Variants in RANBP9 observed in about 807,000 individuals in gnomAD.
The protein encoded by RANBP9 is RAN binding protein 9.
RANBP9 carries 15 observed loss-of-function variants against 84.3 expected under a neutral mutation model. That is an observed-to-expected ratio of 0.18 (90% CI 0.12 to 0.27). RANBP9 has a LOEUF of 0.27. Ranked by LOEUF, RANBP9 falls within the 10% of genes least tolerant of loss-of-function variation. The pLI is 1.00. For missense variants in RANBP9, 809 were observed against 912.8 expected (o/e 0.89, Z 1.46); for synonymous variants, 392 against 349.6 (o/e 1.12, Z -1.35).
chr6:13,694,230 T>G (rs749093064), intron 2 of RANBP9, among the ~76,000 whole-genome samples: 18 of 152,224 alleles, frequency 1.2e-4, no homozygotes, highest in Non-Finnish European at 1.6e-4. Context: ...TATACATGTT[T>G]ACAGTTCCAG....
At chr6:13,645,930 T>G (rs1765167076) in intron 5 of RANBP9, among the ~76,000 whole-genome samples, 1 of 152,138 alleles carries the variant, frequency 6.6e-6, no homozygotes, top group Non-Finnish European at 1.5e-5. Flanking sequence ...AACAAAATAT[T>G]ACATCAAAAT....
At chr6:13,667,611 TG>T (rs1473996194) in intron 2 of RANBP9, among the ~76,000 whole-genome samples, 1 of 152,202 alleles carries the variant, frequency 6.6e-6, no homozygotes, top group Non-Finnish European at 1.5e-5. Flanking sequence ...ACATTTTTAC[TG>T]TATCTTTCCT....
chr6:13,644,677 G>C lies in RANBP9; in HGVS notation c.980C>G (p.Ala327Gly). ...CACGAAAGGATGTTGCCCAAAATTG[G>C]CATCGACCACTTCTCCTGGTGTTTG... ...GLQTPGEVVDANFGQHPFVFD... is the reference protein window; with the variant it reads ...GLQTPGEVVDGNFGQHPFVFD... The change falls in exon 6 of 14, where the codon GCC becomes GGC. Residue 327 changes from alanine (A) to glycine (G), a missense_variant. Ala to Gly is a moderately conservative substitution (Grantham distance 60). Transcript: ENST00000011619. 1 of 1,612,886 alleles carries C rather than the reference G, an allele frequency of 6.2e-7. No homozygotes were observed. Among genetic ancestry groups the C allele is most frequent in the Non-Finnish European group, 8.5e-7 (1 of 1,179,430 alleles).
intron 12 of RANBP9, among the ~76,000 whole-genome samples, chr6:13,627,544 C>CA (rs997195376): frequency 4.0e-5 from 6 of 148,334 alleles, no homozygotes; most frequent in Non-Finnish European, 8.9e-5. Flanking sequence ...GCAGGAGAAT[C>CA]ACTTGAACCC....
At chr6:13,627,729 C>T (rs1236466253) in intron 12 of RANBP9, among the ~76,000 whole-genome samples, 1 of 151,706 alleles carries the variant, frequency 6.6e-6, no homozygotes. Flanking sequence ...GGTACCATAC[C>T]CATAGTACAG....
At chr6:13,640,343 G>A (rs1000025021) in intron 8 of RANBP9, among the ~76,000 whole-genome samples, 8 of 151,846 alleles carry the variant, frequency 5.3e-5, no homozygotes, top group African/African-American at 1.9e-4. Context: ...AAATCAGGAT[G>A]GCTATTATTA....
At chr6:13,703,867 G>C (rs992136871) in intron 1 of RANBP9, among the ~76,000 whole-genome samples, 2 of 152,164 alleles carry the variant, frequency 1.3e-5, no homozygotes, top group Admixed American at 6.5e-5. Flanking sequence ...TGGTTTCCAT[G>C]AAGTCAGATC....
rs148041517 is a variant in RANBP9 at position 13,701,047 on chromosome 6, C to T, written c.572-4151G>A. On this transcript the variant is annotated intron_variant, in intron 1 of 13. Transcript: ENST00000011619. ...TTCTATCCCCTTTCTAAAGCCTTCA[C>T]GTCTATACTTCAACATCATGGGAAC... Among the ~76,000 whole-genome samples the T allele has an allele frequency of 3.0e-4, 46 of 152,308 alleles. No individual in the cohort carries two copies. In the East Asian group the frequency reaches 3.3e-3, roughly 11 times the overall value.
intron 2 of RANBP9, among the ~76,000 whole-genome samples, chr6:13,681,493 T>C (rs1766036656): frequency 1.3e-5 from 2 of 152,126 alleles, no homozygotes; most frequent in African/African-American, 2.4e-5. Context: ...AATTTCATTA[T>C]TGCTCACAAT....
chr6:13,680,627 G>A (rs113221919), intron 2 of RANBP9, among the ~76,000 whole-genome samples: 10 of 151,934 alleles, frequency 6.6e-5, no homozygotes, highest in East Asian at 1.9e-4. Flanking sequence ...ATAGTGGTGC[G>A]CACCTGTACT....
chr6:13,623,266 A>G (rs1479674072), intron 13 of RANBP9, among the ~76,000 whole-genome samples: 1 of 152,214 alleles, frequency 6.6e-6, no homozygotes, highest in South Asian at 2.1e-4. Context: ...GGCAATGTCC[A>G]AACTAATCAA....
chr6:13,669,173 G>C (rs1372055061), intron 2 of RANBP9, among the ~76,000 whole-genome samples: 1 of 151,682 alleles, frequency 6.6e-6, no homozygotes, highest in Non-Finnish European at 1.5e-5. Flanking sequence ...TATAACAAAA[G>C]AAGTGTGAAA....
intron 2 of RANBP9, among the ~76,000 whole-genome samples, chr6:13,688,478 G>A (rs943390356): frequency 6.6e-6 from 1 of 151,982 alleles, no homozygotes; most frequent in African/African-American, 2.4e-5. Context: ...GTCTACTACT[G>A]TGTATCTCAT....
chr6:13,645,641 T>C (rs1765162323), intron 5 of RANBP9, among the ~76,000 whole-genome samples: 1 of 152,196 alleles, frequency 6.6e-6, no homozygotes, highest in Non-Finnish European at 1.5e-5. Flanking sequence ...CTCATGGTCG[T>C]TCTGCTAACA....
intron 10 of RANBP9, among the ~76,000 whole-genome samples, chr6:13,636,168 T>C (rs1764932769): frequency 6.6e-6 from 1 of 152,102 alleles, no homozygotes; most frequent in African/African-American, 2.4e-5. Flanking sequence ...GTGGGCGGTA[T>C]CAGGGAAAAA....
chr6:13,685,595 A>G (rs1766153644), intron 2 of RANBP9, among the ~76,000 whole-genome samples: 1 of 151,984 alleles, frequency 6.6e-6, no homozygotes, highest in Non-Finnish European at 1.5e-5. Flanking sequence ...CAAAAATACT[A>G]AATAAATCAA....
chr6:13,676,241 T>G (rs908881023), intron 2 of RANBP9, among the ~76,000 whole-genome samples: 2 of 152,162 alleles, frequency 1.3e-5, no homozygotes, highest in Non-Finnish European at 2.9e-5. Flanking sequence ...TTCATTATTT[T>G]TTTTTATTGT....
intron 13 of RANBP9, among the ~76,000 whole-genome samples, chr6:13,624,562 T>TA (rs749192849): frequency 2.0e-5 from 3 of 152,236 alleles, no homozygotes; most frequent in Admixed American, 6.5e-5. Flanking sequence ...CAAACTTGTT[T>TA]TATGTAAACA....
intron 2 of RANBP9, among the ~76,000 whole-genome samples, chr6:13,686,119 C>A (rs1205492579): frequency 2.5e-5 from 1 of 40,108 alleles, no homozygotes; most frequent in African/African-American, 1.0e-4. Flanking sequence ...CCCCCCCGCC[C>A]CCCGAAATAG....
Sources: allele counts gnomAD v4.1 joint callset (sites outside exome capture counted in the v4.1 genomes callset), GRCh38; gene constraint gnomAD v4.1.1; transcripts MANE v1.5; gene names NCBI Gene and HGNC (gene_info 2026-07-23, HGNC 2026-07-21).